The following REDIC1 variants were observed in gnomAD, a reference collection of about 807,000 sequenced individuals.
REDIC1 encodes the protein HEI10 Interacting Protein 1.
chr12:39,705,221 G>A, the REDIC1 span, among the ~76,000 whole-genome samples: 4 of 151,816 alleles, frequency 2.6e-5, no homozygotes, highest in Admixed American at 2.6e-4. Context: ...AGAAGAAAAG[G>A]ACAAATTCCT....
the REDIC1 span, among the ~76,000 whole-genome samples, chr12:39,714,221 A>G: frequency 1.0e-4 from 14 of 140,658 alleles, no homozygotes; most frequent in Admixed American, 2.8e-4. Flanking sequence ...ATATACGTAT[A>G]TGCATGCATA....
At chr12:39,839,349 G>A in the REDIC1 span, among the ~76,000 whole-genome samples, 2 of 151,848 alleles carry the variant, frequency 1.3e-5, no homozygotes, top group African/African-American at 4.8e-5. Flanking sequence ...CATGTAAGTA[G>A]GAAACTCATG....
At chr12:39,821,422 T>A in the REDIC1 span, among the ~76,000 whole-genome samples, 6,110 of 150,454 alleles carry the variant, frequency 0.041, 183 homozygotes, top group African/African-American at 0.083. Flanking sequence ...AAAAAAAAAA[T>A]TTTTTTTTGT....
the REDIC1 span, among the ~76,000 whole-genome samples, chr12:39,845,835 C>T: frequency 3.2e-4 from 48 of 152,180 alleles, no homozygotes; most frequent in African/African-American, 1.1e-3. Flanking sequence ...GGTCAAAATA[C>T]CAATGTTAGC....
At chr12:39,726,674 T>C in the REDIC1 span, among the ~76,000 whole-genome samples, 1 of 152,236 alleles carries the variant, frequency 6.6e-6, no homozygotes, top group African/African-American at 2.4e-5. Context: ...TTTGGGTATA[T>C]ACCCAGTAGT....
the REDIC1 span, among the ~76,000 whole-genome samples, chr12:39,867,750 T>C: frequency 6.6e-6 from 1 of 152,192 alleles, no homozygotes; most frequent in African/African-American, 2.4e-5. Context: ...TTATTATATA[T>C]AGTGATGTTT....
the REDIC1 span, chr12:39,626,268 C>T: frequency 3.2e-6 from 5 of 1,580,684 alleles, no homozygotes; most frequent in South Asian, 3.4e-5. Context: ...GCTGAAGCTG[C>T]GATTTGGCGC....
the REDIC1 span, among the ~76,000 whole-genome samples, chr12:39,761,752 T>C: frequency 6.6e-6 from 1 of 152,000 alleles, no homozygotes; most frequent in Non-Finnish European, 1.5e-5. Flanking sequence ...GTAATTATGA[T>C]GAAGATAAAG....
At chr12:39,682,092 G>A in the REDIC1 span, among the ~76,000 whole-genome samples, 1 of 151,834 alleles carries the variant, frequency 6.6e-6, no homozygotes, top group Non-Finnish European at 1.5e-5. Flanking sequence ...GTTTTATTAT[G>A]TATATACACA....
the REDIC1 span, among the ~76,000 whole-genome samples, chr12:39,672,107 G>A: frequency 1.6e-4 from 25 of 152,222 alleles, no homozygotes; most frequent in African/African-American, 6.0e-4. Context: ...GGTGGTGTGG[G>A]GCTGTTATTA....
the REDIC1 span, chr12:39,683,268 G>T: frequency 1.2e-5 from 14 of 1,211,006 alleles, no homozygotes; most frequent in South Asian, 1.5e-5. Flanking sequence ...GGAGGAAAAT[G>T]AAACCAAAAA....
At chr12:39,904,167 T>C in the REDIC1 span, among the ~76,000 whole-genome samples, 1 of 152,166 alleles carries the variant, frequency 6.6e-6, no homozygotes, top group African/African-American at 2.4e-5. Flanking sequence ...TGCACTTCTT[T>C]CTTTAGCAAT....
the REDIC1 span, among the ~76,000 whole-genome samples, chr12:39,712,617 A>G: frequency 1.7e-4 from 25 of 145,302 alleles, no homozygotes; most frequent in Non-Finnish European, 3.0e-5. Context: ...GTATATATAG[A>G]TATGTGTATA....
At chr12:39,683,154 A>T in the REDIC1 span, 1 of 1,561,114 alleles carries the variant, frequency 6.4e-7, no homozygotes, top group South Asian at 1.2e-5. Flanking sequence ...GGTATTGTAC[A>T]TGGAAAATGT....
the REDIC1 span, among the ~76,000 whole-genome samples, chr12:39,703,224 A>G: frequency 6.6e-6 from 1 of 151,944 alleles, no homozygotes; most frequent in East Asian, 1.9e-4. Context: ...CTGATAAGCA[A>G]CTTCAGCAAA....
the REDIC1 span, among the ~76,000 whole-genome samples, chr12:39,627,723 A>G: frequency 6.6e-6 from 1 of 152,168 alleles, no homozygotes. Context: ...ATGTGTTTAA[A>G]TTTATACAAA....
At chr12:39,836,468 A>C in the REDIC1 span, among the ~76,000 whole-genome samples, 17 of 152,140 alleles carry the variant, frequency 1.1e-4, no homozygotes, top group African/African-American at 3.6e-4. Flanking sequence ...TATTCAACAT[A>C]GTGTTGGAAG....
At chr12:39,641,669 G>A in the REDIC1 span, among the ~76,000 whole-genome samples, 1 of 151,714 alleles carries the variant, frequency 6.6e-6, no homozygotes, top group Non-Finnish European at 1.5e-5. Context: ...AATACATAAT[G>A]TTGAGCAAAA....
the REDIC1 span, among the ~76,000 whole-genome samples, chr12:39,831,157 G>T: frequency 6.6e-6 from 1 of 152,064 alleles, no homozygotes; most frequent in African/African-American, 2.4e-5. Flanking sequence ...CCTGCTCCTT[G>T]GTAGATAAAA....
Sources: allele counts gnomAD v4.1 joint callset (sites outside exome capture counted in the v4.1 genomes callset), GRCh38; gene constraint gnomAD v4.1.1; transcripts MANE v1.5; gene names NCBI Gene and HGNC (gene_info 2026-07-23, HGNC 2026-07-21).